The following BTBD19 variants were observed in gnomAD, a reference collection of about 807,000 sequenced individuals.
The protein encoded by BTBD19 is BTB domain containing 19, also known as BTB/POZ domain-containing protein 19.
Under a neutral mutation model 36.1 loss-of-function variants are expected in BTBD19, and 20 were observed. That is an observed-to-expected ratio of 0.55 (90% CI 0.39 to 0.80). BTBD19 has a LOEUF of 0.80. BTBD19 is among the 30% of genes least tolerant of loss of function. The probability of loss-of-function intolerance (pLI) is 0.00; values close to 1 mark genes in which losing one functional copy is unlikely to be tolerated. For missense variants in BTBD19, 325 were observed against 389.8 expected, an observed-to-expected ratio of 0.83 and a Z score of 1.40; for synonymous variants, 157 against 174.3, an observed-to-expected ratio of 0.90 and a Z score of 0.78.
At chr1:44,808,704 C>T in exon 1 of BTBD19, 1 of 711,336 alleles carries the variant, frequency 1.4e-6, no homozygotes, top group South Asian at 2.0e-5. Context: ...TTCAGCTTCT[C>T]AGCAAACAGG....
In BTBD19 at chr1:44,808,575, A is replaced by C. The variant is rs543592279; in HGVS notation, c.-246A>C. On this transcript the variant is annotated 5_prime_UTR_variant, in exon 1 of 8. Transcript: ENST00000450269. ...GCCAGCCAGCCAGCTTCTTCCCAGGACCATAGGCCACTCCAGCCTCAGCTT... is the reference window on the plus strand; with the variant it reads ...GCCAGCCAGCCAGCTTCTTCCCAGGCCCATAGGCCACTCCAGCCTCAGCTT... The C allele has an allele frequency of 5.3e-3, 1,978 of 370,896 alleles. 7 individuals are homozygous for C. The highest frequency in any genetic ancestry group is 7.8e-3 in the Non-Finnish European group (1,599 of 206,172). The allele number at this position is 370,896 out of a possible 1,614,324, so 23.0% of individuals were successfully genotyped here.
chr1:44,814,148 C>CTCTTTCTTTCTTTCTGTCTTTCTTTCTT (rs1557635265), downstream of BTBD19: 30 of 159,294 alleles, frequency 1.9e-4, 3 homozygotes, highest in South Asian at 4.8e-4. Flanking sequence ...CTTTTTCTTT[C>CTCTTTCTTTCTTTCTGTCTTTCTTTCTT]TCTTTCTTTC....
chr1:44,812,202 T>C, intron 4 of BTBD19, 104 bp downstream of exon 4: 2 of 866,870 alleles, frequency 2.3e-6, no homozygotes, highest in Non-Finnish European at 3.4e-6. Context: ...TGGAAATAAC[T>C]TGGGTACATG....
rs562856871 is a variant in BTBD19 at position 44,810,185 on chromosome 1, C to T, written c.87-28C>T. On this transcript the variant is annotated intron_variant, in intron 1 of 7. Coordinates refer to ENST00000450269, the Ensembl canonical transcript of BTBD19. The surrounding 1 kb of genome is among the most constrained non-coding windows in gnomAD (Gnocchi z 4.2). The stretch of plus-strand genomic sequence containing the variant: ...TGCACTCCGGGTGCTGGCCTCCTCC[C>T]CGCTGCCTCTCTGCCTGTCTCCCAC... 31 of 1,537,468 alleles carry T rather than the reference C, an allele frequency of 2.0e-5. No individual in the cohort carries two copies. In the African/African-American group the frequency reaches 3.4e-4, roughly 17 times the overall value.
chr1:44,812,532 T>C (rs1469665501), intron 4 of BTBD19: 2 of 438,410 alleles, frequency 4.6e-6, no homozygotes, highest in South Asian at 3.2e-5. Context: ...GGTGAAACCC[T>C]GTCTCTATTA....
In BTBD19 at chr1:44,810,298, C is replaced by T. The variant is rs1017479206; in HGVS notation, c.172C>T (p.Arg58Ter). Reference sequence around the variant, plus strand: ...GGCCTGTAGATGCAACTTCTTCCAGCGACTTCTGGGCACAGAGCCAGGCCC... The same window carrying T: ...GGCCTGTAGATGCAACTTCTTCCAGTGACTTCTGGGCACAGAGCCAGGCCC... The change falls in exon 2 of 8, where the codon CGA becomes TGA. Residue 58 changes from arginine to a stop codon, truncating the protein, a stop_gained. Coordinates refer to ENST00000450269, the Ensembl canonical transcript of BTBD19. LOFTEE classifies it high-confidence loss of function. This position sits in a 1 kb window ranked among gnomAD's most constrained non-coding sequence, Gnocchi z 4.2. The T allele has an allele frequency of 9.7e-6, 15 of 1,551,750 alleles. No individual in the cohort carries two copies. The highest frequency in any genetic ancestry group is 7.8e-5 in the Admixed American group (4 of 50,990).
chr1:44,810,256 G>C lies in BTBD19; in HGVS notation c.130G>C (p.Ala44Pro), dbSNP rs1271408937. 1 of 1,551,818 alleles carries C rather than the reference G, an allele frequency of 6.4e-7. No homozygotes were observed. Among genetic ancestry groups the C allele is most frequent in the African/African-American group, 1.4e-5 (1 of 73,164 alleles). ...TGGTCAAGAACGGCAGGAGGTATTT[G>C]CCCATCGGTGCTTGTTGGCCTGTAG... Residue 44 changes from alanine to proline, a missense_variant, in exon 2 of 8, where the codon GCC becomes CCC. Transcript: ENST00000450269. The surrounding 1 kb of genome is among the most constrained non-coding windows in gnomAD (Gnocchi z 4.2).
At chr1:44,812,041 G>A in exon 4 of BTBD19, 1 of 1,305,298 alleles carries the variant, frequency 7.7e-7, no homozygotes, top group Non-Finnish European at 1.0e-6. Flanking sequence ...GTTCCCAGCT[G>A]TGCCTGCAGT....
rs1474913302 is a variant in BTBD19, at chr1:44,813,095, G to T, written c.483+31G>T. The T allele has an allele frequency of 1.4e-5, 21 of 1,546,286 alleles. No individual in the cohort carries two copies. The Admixed American group carries it at 2.2e-4, about 16-fold the overall frequency. Reference sequence around the variant, plus strand: ...GCTCCCTTCATACTCCTCACCCTACGCACCGCATTCTGCTCCTCCCTGACC... The same window carrying T: ...GCTCCCTTCATACTCCTCACCCTACTCACCGCATTCTGCTCCTCCCTGACC... On this transcript the variant is annotated intron_variant, in intron 5 of 7. Transcript: ENST00000450269. This position sits in a 1 kb window ranked among gnomAD's most constrained non-coding sequence, Gnocchi z 7.8.
Position 44,813,638 on chromosome 1 carries a change from G to A in BTBD19, c.742G>A (p.Val248Met). The A allele has an allele frequency of 2.6e-6, 4 of 1,549,592 alleles. No homozygotes were observed. The highest frequency in any genetic ancestry group is 3.5e-6 in the Non-Finnish European group (4 of 1,145,430). Residue 248 changes from valine to methionine, a missense_variant and splice_region_variant, in exon 8 of 8, where the codon GTG (valine) becomes ATG (methionine). Transcript: ENST00000450269. This position sits in a 1 kb window ranked among gnomAD's most constrained non-coding sequence, Gnocchi z 7.8. The stretch of plus-strand genomic sequence containing the variant: ...CGCACTAACTGGCCTTGCTCTGCAG[G>A]TGGAGCAGATTGTGGAGGCGTGGAA...
chr1:44,811,939 G>C (rs1652433991), intron 3 of BTBD19, 100 bp from the exon 4 acceptor site: 1 of 957,540 alleles, frequency 1.0e-6, no homozygotes, highest in African/African-American at 1.7e-5. Flanking sequence ...GGGGCTGCTG[G>C]GTGACTCACC....
At position 44,813,009 on chromosome 1, in the gene BTBD19, T is replaced by G. The variant is rs1197392625; in HGVS notation, c.428T>G (p.Phe143Cys). ...TTCTGCTCGCAGGTGGCCGTAACCTTTGGCCTGGGGCAGCTGCAGGAGCGC... is the reference window on the plus strand; with the variant it reads ...TTCTGCTCGCAGGTGGCCGTAACCTGTGGCCTGGGGCAGCTGCAGGAGCGC... The change falls in exon 5 of 8, where the codon TTT (phenylalanine) becomes TGT (cysteine). Residue 143 changes from phenylalanine to cysteine, a missense_variant. Physicochemically the swap from Phe to Cys is radical, Grantham distance 205. Coordinates refer to ENST00000450269, the Ensembl canonical transcript of BTBD19. This position sits in a 1 kb window ranked among gnomAD's most constrained non-coding sequence, Gnocchi z 7.8. 5.2e-6 allele frequency: 8 copies of G among 1,551,240 alleles called. No homozygotes were observed. The highest frequency in any genetic ancestry group is 7.0e-6 in the Non-Finnish European group (8 of 1,146,714).
At chr1:44,811,220 CAAA>C (rs35007342) in intron 3 of BTBD19, among the ~76,000 whole-genome samples, 5 of 71,172 alleles carry the variant, frequency 7.0e-5, no homozygotes, top group African/African-American at 6.0e-5. Context: ...GACTTGCCCT[CAAA>C]AAAAAAAAAA....
chr1:44,812,058 T>C, exon 4 of BTBD19: 1 of 1,305,242 alleles, frequency 7.7e-7, no homozygotes, highest in Non-Finnish European at 1.0e-6. Context: ...CAGTTTGTGG[T>C]GAAGGTGCTG....
chr1:44,808,828 C>T, exon 1 of BTBD19: 2 of 1,548,484 alleles, frequency 1.3e-6, no homozygotes, highest in Non-Finnish European at 1.7e-6. Context: ...CTCATGGAGC[C>T]CTTGGGACTG....
chr1:44,810,479 A>G lies in BTBD19; in HGVS notation c.300+53A>G. 1 of 1,550,844 alleles carries G rather than the reference A, an allele frequency of 6.4e-7. No individual in the cohort carries two copies. Among genetic ancestry groups the G allele is most frequent in the African/African-American group, 1.4e-5 (1 of 73,148 alleles). ...GGGAGAGGTGGGGGGTGCCAGAGGC[A>G]GGAGTTTGCCCATTACACTGTGGGC... On this transcript the variant is annotated intron_variant, in intron 2 of 7. Coordinates refer to ENST00000450269, the Ensembl canonical transcript of BTBD19. The surrounding 1 kb of genome is among the most constrained non-coding windows in gnomAD (Gnocchi z 4.2).
At chr1:44,812,097 A>C (rs1557633095) in exon 4 of BTBD19, 2 of 1,304,710 alleles carry the variant, frequency 1.5e-6, no homozygotes, top group Admixed American at 2.3e-5. Context: ...GAGGCCCTGC[A>C]GGTGGGTGCT....
At chr1:44,814,148 C>CTCCT, downstream of BTBD19, 1 of 159,170 alleles carries the variant, frequency 6.3e-6, no homozygotes, top group Admixed American at 7.8e-5. Flanking sequence ...CTTTTTCTTT[C>CTCCT]TCTTTCTTTC....
intron 1 of BTBD19, among the ~76,000 whole-genome samples, chr1:44,809,915 C>T (rs1170889899): frequency 6.8e-6 from 1 of 147,386 alleles, no homozygotes; most frequent in African/African-American, 2.6e-5. Flanking sequence ...GCCCAGATGC[C>T]CCTCAGTAAT....
Sources: allele counts gnomAD v4.1 joint callset (sites outside exome capture counted in the v4.1 genomes callset), GRCh38; gene constraint gnomAD v4.1.1; non-coding constraint Gnocchi (gnomAD v3.1); transcripts MANE v1.5; gene names NCBI Gene and HGNC (gene_info 2026-07-23, HGNC 2026-07-21).